The following TBC1D14 variants were observed in gnomAD, a reference collection of about 807,000 sequenced individuals.
TBC1D14 encodes TBC1 domain family, member 14.
In TBC1D14, 26 loss-of-function variants were observed where a neutral mutation model predicts 79.0. That is an observed-to-expected ratio of 0.33 (90% CI 0.24 to 0.46). The LOEUF is 0.46. Among genes scored for constraint, TBC1D14 ranks in the 20% least tolerant of loss-of-function variants. TBC1D14 has a pLI of 1.00. For synonymous variants in TBC1D14, 394 were observed against 349.9 expected (o/e 1.13, Z -1.40); for missense variants, 769 against 887.6 (o/e 0.87, Z 1.70).
In TBC1D14 at chr4:7,032,582, C is replaced by T. The variant is rs997477649; in HGVS notation, c.*2190C>T. 6.6e-6 allele frequency: 1 copy of T among 152,264 alleles called. No homozygotes were observed. The highest frequency in any genetic ancestry group is 1.5e-5 in the Non-Finnish European group (1 of 68,042). 9.4% of individuals were successfully genotyped at this position (152,264 alleles called of 1,614,324 possible). A position where few individuals can be genotyped will look rare whatever the true frequency, so the allele number is the denominator to read the frequency against. On this transcript the variant is annotated 3_prime_UTR_variant, in exon 14 of 14. Coordinates refer to ENST00000409757, the MANE Select transcript of TBC1D14 (RefSeq NM_020773.3). ...CTTAGTTCAGAAGTGGCTTGTATGA[C>T]CTGTTCAGGGGTCACATGAGGTCTC...
rs531749627 is a variant in TBC1D14, at chr4:6,960,173, C to T, written c.723-7131C>T. 6.6e-5 allele frequency among the ~76,000 whole-genome samples: 10 copies of T among 151,036 alleles called. No individual in the cohort carries two copies. The South Asian group carries it at 1.5e-3, about 22-fold the overall frequency. The stretch of plus-strand genomic sequence containing the variant: ...CTCAGCTCACTGCAACCTCCGCCTC[C>T]GGGGCTCAAGTGATCTTCCCACCTT... On this transcript the variant is annotated intron_variant, in intron 2 of 13. Transcript: ENST00000409757.
At chr4:6,915,044 CA>C (rs1222250414) in intron 1 of TBC1D14, among the ~76,000 whole-genome samples, 1 of 151,990 alleles carries the variant, frequency 6.6e-6, no homozygotes. Flanking sequence ...GTCTCAGAAA[CA>C]AAACAAAAAG....
intron 3 of TBC1D14, among the ~76,000 whole-genome samples, chr4:6,980,465 T>C (rs547672062): frequency 6.6e-6 from 1 of 152,170 alleles, no homozygotes; most frequent in South Asian, 2.1e-4. Context: ...AGTTTCTACC[T>C]GAAGAAAGTA....
intron 13 of TBC1D14, among the ~76,000 whole-genome samples, chr4:7,029,651 C>G (rs565838792): frequency 6.6e-6 from 1 of 152,310 alleles, no homozygotes; most frequent in Non-Finnish European, 1.5e-5. Context: ...ACGGTGAAAC[C>G]CTGTCTGTAC....
intron 2 of TBC1D14, among the ~76,000 whole-genome samples, chr4:6,940,892 G>T (rs566880856): frequency 2.0e-5 from 3 of 152,114 alleles, no homozygotes; most frequent in African/African-American, 4.8e-5. Context: ...GGATCACCGC[G>T]TCCCGGCTTA....
intron 13 of TBC1D14, 99 bp downstream of exon 13, chr4:7,025,361 C>T (rs919939556): frequency 1.3e-6 from 2 of 1,531,024 alleles, no homozygotes; most frequent in Admixed American, 1.9e-5. Context: ...GACGTAGCCC[C>T]TTTGATGGAG....
At chr4:6,953,629 C>CAAAAAAAAAAA (rs750667631) in intron 2 of TBC1D14, among the ~76,000 whole-genome samples, 4 of 55,024 alleles carry the variant, frequency 7.3e-5, no homozygotes, top group African/African-American at 2.4e-4. Flanking sequence ...GACTCCGTCT[C>CAAAAAAAAAAA]AAAAAAAAAA....
At chr4:6,988,482 CT>C (rs1266628177) in intron 3 of TBC1D14, among the ~76,000 whole-genome samples, 2 of 152,224 alleles carry the variant, frequency 1.3e-5, no homozygotes, top group African/African-American at 4.8e-5. Flanking sequence ...TCCCCCAGCG[CT>C]TCCCTGGGTC....
chr4:7,006,138 C>T (rs995496242), intron 8 of TBC1D14, among the ~76,000 whole-genome samples: 9 of 151,616 alleles, frequency 5.9e-5, no homozygotes, highest in African/African-American at 2.2e-4. Flanking sequence ...AGTTCAAAGC[C>T]AGCCTGAGCA....
chr4:7,020,337 G>A (rs1296290797), intron 12 of TBC1D14, among the ~76,000 whole-genome samples: 1 of 152,234 alleles, frequency 6.6e-6, no homozygotes, highest in Non-Finnish European at 1.5e-5. Flanking sequence ...TTGTGTGTTT[G>A]GAGTTTAATG....
At chr4:7,001,728 A>G (rs999705884) in intron 7 of TBC1D14, among the ~76,000 whole-genome samples, 5 of 152,082 alleles carry the variant, frequency 3.3e-5, no homozygotes, top group African/African-American at 1.2e-4. Context: ...GGTGAGAACC[A>G]TGCTCACCGA....
chr4:6,954,290 T>C (rs1179886867), intron 2 of TBC1D14: 1 of 717,280 alleles, frequency 1.4e-6, no homozygotes, highest in East Asian at 2.7e-5. Flanking sequence ...AGCTGCGAGG[T>C]CACAGTAGAC....
intron 1 of TBC1D14, among the ~76,000 whole-genome samples, chr4:6,914,492 G>A (rs144769849): frequency 1.2e-4 from 19 of 152,318 alleles, no homozygotes; most frequent in African/African-American, 4.6e-4. Flanking sequence ...GGCTGTGTGT[G>A]TAGCAGTGGA....
rs1485854242 is a variant in TBC1D14 at position 6,923,977 on chromosome 4, T to A, written c.588T>A (p.Asp196Glu). 10 of 1,614,016 alleles carry A rather than the reference T, an allele frequency of 6.2e-6. No homozygotes were observed. The highest frequency in any genetic ancestry group is 8.5e-6 in the Non-Finnish European group (10 of 1,180,028). The stretch of plus-strand genomic sequence containing the variant: ...CCATTGTGACCCTGGAGAATGACGA[T>A]GACCCACAGTTTACCAACGTCACCT... Reference protein sequence around the residue: ...SSAIVTLENDDDPQFTNVTLS... With the variant: ...SSAIVTLENDEDPQFTNVTLS... The change falls in exon 2 of 14, where the codon GAT becomes GAA. Residue 196 changes from aspartate to glutamate, a missense_variant. Around this residue, in one of 2 missense-constraint regions of TBC1D14, gnomAD observed 402 missense variants for 393.2 expected, o/e 1.02. Transcript: ENST00000409757.
intron 6 of TBC1D14, among the ~76,000 whole-genome samples, chr4:6,999,915 T>C (rs960163621): frequency 1.3e-5 from 2 of 152,068 alleles, no homozygotes; most frequent in African/African-American, 4.8e-5. Context: ...GTGGGTCTTG[T>C]TTTTATTCTC....
At chr4:6,970,591 G>A (rs1283818752) in intron 3 of TBC1D14, among the ~76,000 whole-genome samples, 2 of 152,286 alleles carry the variant, frequency 1.3e-5, no homozygotes, top group East Asian at 1.9e-4. Flanking sequence ...GTTGAGGCCA[G>A]GTCTTGTGCT....
Position 7,025,106 on chromosome 4 carries a change from G to C in TBC1D14, c.1860G>C (p.Leu620=). 1.9e-6 allele frequency: 3 copies of C among 1,614,200 alleles called. No homozygotes were observed. Among genetic ancestry groups the C allele is most frequent in the Non-Finnish European group, 1.7e-6 (2 of 1,180,028 alleles). ...DGEEFLFRTA[L]GILKLFEDIL... is the part of the protein sequence containing the mutation. ...AAGAGTTCCTGTTCCGCACGGCCCT[G>C]GGCATCCTGAAGCTGTTCGAGGACA... Residue 620 remains leucine (L), a synonymous_variant, in exon 13 of 14, where the codon CTG becomes CTC. Coordinates refer to ENST00000409757, the MANE Select transcript of TBC1D14 (RefSeq NM_020773.3).
intron 9 of TBC1D14, chr4:7,007,753 G>C (rs573540454): frequency 2.7e-4 from 121 of 442,158 alleles, no homozygotes; most frequent in African/African-American, 2.3e-3. Context: ...GCCCCAGTTC[G>C]TCTCCATAGG....
intron 2 of TBC1D14, among the ~76,000 whole-genome samples, chr4:6,948,090 G>A (rs1052586999): frequency 1.3e-5 from 2 of 152,170 alleles, no homozygotes; most frequent in African/African-American, 4.8e-5. Flanking sequence ...AAGGCTGCAC[G>A]GGAGAGTGGT....
Sources: allele counts gnomAD v4.1 joint callset (sites outside exome capture counted in the v4.1 genomes callset), GRCh38; gene constraint gnomAD v4.1.1; regional missense constraint gnomAD v4.1.1; transcripts MANE v1.5; gene names NCBI Gene and HGNC (gene_info 2026-07-23, HGNC 2026-07-21).